RNASEH2B: variants seen among roughly 807,000 people sequenced by gnomAD.
RNASEH2B encodes the protein ribonuclease H2 subunit B.
In RNASEH2B, 36 loss-of-function variants were observed where a neutral mutation model predicts 45.0. The observed-to-expected ratio is 0.80, with a 90% CI of 0.61 to 1.06. The LOEUF (loss-of-function observed/expected upper bound fraction) is 1.06. RNASEH2B is among the 50% of genes least tolerant of loss of function. The pLI is 0.00. For missense variants in RNASEH2B, 361 were observed against 360.3 expected (o/e 1.00, Z -0.02); for synonymous variants, 119 against 125.7 (o/e 0.95, Z 0.35).
downstream of RNASEH2B, among the ~76,000 whole-genome samples, chr13:50,958,044 G>C (rs1213436762): frequency 6.6e-6 from 1 of 152,050 alleles, no homozygotes; most frequent in East Asian, 1.9e-4. Flanking sequence ...TAGGTTGTCT[G>C]TTTACTCTGT....
At chr13:50,929,299 A>G (rs1301400793) in intron 2 of RNASEH2B, among the ~76,000 whole-genome samples, 176 bp from the exon 3 acceptor site, 2 of 152,214 alleles carry the variant, frequency 1.3e-5, no homozygotes, top group East Asian at 1.9e-4. Flanking sequence ...GAAAACTACC[A>G]TCTATGTATA....
chr13:50,937,315 G>C (rs1309609343), intron 5 of RNASEH2B: 1 of 151,966 alleles, frequency 6.6e-6, no homozygotes, highest in Non-Finnish European at 1.5e-5. Flanking sequence ...TCAATCTCTG[G>C]GGCTCAAGCA....
intron 1 of RNASEH2B, chr13:50,915,176 G>T: frequency 2.8e-6 from 1 of 359,668 alleles, no homozygotes; most frequent in Non-Finnish European, 5.0e-6. Flanking sequence ...TTTACTGAAC[G>T]AATAAAAGTC....
intron 6 of RNASEH2B, 32 bp downstream of exon 6, chr13:50,943,426 A>G: frequency 7.4e-6 from 11 of 1,480,858 alleles, no homozygotes; most frequent in Non-Finnish European, 1.0e-5. Flanking sequence ...TTGTGGTAAA[A>G]GTAAAAATTC....
intron 9 of RNASEH2B, chr13:50,950,860 TG>T (rs1337390257): frequency 6.6e-6 from 1 of 152,262 alleles, no homozygotes; most frequent in Non-Finnish European, 1.5e-5. Flanking sequence ...TTAAGTTGTT[TG>T]TGACTTCATC....
At chr13:50,910,162 G>A (rs1402783053) in intron 1 of RNASEH2B, 22 bp downstream of exon 1, 7 of 1,422,820 alleles carry the variant, frequency 4.9e-6, no homozygotes, top group Non-Finnish European at 6.4e-6. Flanking sequence ...CGCCCGGGCG[G>A]CGGGGTCGGC....
intron 1 of RNASEH2B, among the ~76,000 whole-genome samples, chr13:50,920,942 T>C (rs529814248): frequency 6.6e-6 from 1 of 152,322 alleles, no homozygotes; most frequent in East Asian, 1.9e-4. Context: ...TGGTTTTAAT[T>C]TAATATTTTC....
chr13:50,943,374 T>C lies in RNASEH2B; in HGVS notation c.490T>C (p.Leu164=). The C allele has an allele frequency of 6.2e-7, 1 of 1,606,450 alleles. No homozygotes were observed. The highest frequency in any genetic ancestry group is 8.5e-7 in the Non-Finnish European group (1 of 1,173,210). Residue 164 remains leucine, a synonymous_variant, in exon 6 of 11, where the codon TTA becomes CTA. Coordinates refer to ENST00000336617, the MANE Select transcript of RNASEH2B (RefSeq NM_024570.4). ...KYYKYSKEKT[L]KWLEKKVNQT... ...TTACAAGTACAGCAAAGAGAAGACA[T>C]TAAAGTGGCTGGAAAAAAAGGTATA...
intron 9 of RNASEH2B, 56 bp downstream of exon 9, chr13:50,949,561 AC>A: frequency 6.8e-7 from 1 of 1,463,800 alleles, no homozygotes; most frequent in Non-Finnish European, 9.6e-7. Context: ...TTACACTCTT[AC>A]CACATGAGTT....
At chr13:50,946,073 C>T (rs1320940529) in intron 7 of RNASEH2B, among the ~76,000 whole-genome samples, 1 of 152,132 alleles carries the variant, frequency 6.6e-6, no homozygotes, top group Non-Finnish European at 1.5e-5. Context: ...TTTCCTGATA[C>T]AGGGATCAAT....
chr13:50,967,267 GA>G (rs748053682), intron 9 of RNASEH2B, among the ~76,000 whole-genome samples: 55 of 152,170 alleles, frequency 3.6e-4, no homozygotes, highest in Non-Finnish European at 6.8e-4. Flanking sequence ...AAGTCTGGAA[GA>G]AAATACAACA....
chr13:50,956,467 AG>A lies in RNASEH2B; in HGVS notation c.934del (p.Val312PhefsTer23). 1 of 1,595,112 alleles carries A rather than the reference AG, an allele frequency of 6.3e-7. No individual in the cohort carries two copies. Among genetic ancestry groups the A allele is most frequent in the Non-Finnish European group, 8.6e-7 (1 of 1,168,146 alleles). On this transcript the variant is annotated frameshift_variant, in exon 11 of 11. Coordinates refer to ENST00000336617, the MANE Select transcript of RNASEH2B (RefSeq NM_024570.4). LOFTEE classifies it high-confidence loss of function. ...GTAAAAAATAAAAAAAAAATTGGAA[AG>A]GTTTGAAACTTTGAAAATAAAATCT... ...FGVKNKKKIG[K>X]V is the part of the protein sequence containing the mutation.
chr13:50,961,129 C>T (rs1952107661), downstream of RNASEH2B, among the ~76,000 whole-genome samples: 2 of 152,136 alleles, frequency 1.3e-5, no homozygotes, highest in African/African-American at 4.8e-5. Flanking sequence ...GTGTTGTTGA[C>T]TTTGATCACT....
At chr13:50,926,892 A>G (rs941861632) in intron 1 of RNASEH2B, among the ~76,000 whole-genome samples, 4 of 152,154 alleles carry the variant, frequency 2.6e-5, no homozygotes, top group African/African-American at 9.7e-5. Context: ...TGTGTAAAAA[A>G]TATAGGTTTC....
rs999786070 is a variant in RNASEH2B at position 50,953,752 on chromosome 13, G to A, written c.742-153G>A. ...CAATTCCCTAGATGATTGGCAAAAT[G>A]TAAAGGAGCCTGTAAAAAGTAAGCC... On this transcript the variant is annotated intron_variant, in intron 9 of 10. Coordinates refer to ENST00000336617, the MANE Select transcript of RNASEH2B (RefSeq NM_024570.4). 7 of 640,432 alleles carry A rather than the reference G, an allele frequency of 1.1e-5. No homozygotes were observed. In the East Asian group the frequency reaches 1.6e-4, roughly 15 times the overall value. The allele number at this position is 640,432 out of a possible 1,614,324, so 39.7% of individuals were successfully genotyped here.
intron 4 of RNASEH2B, among the ~76,000 whole-genome samples, chr13:50,933,660 A>G (rs1239867656): frequency 6.6e-6 from 1 of 152,178 alleles, no homozygotes; most frequent in Admixed American, 6.5e-5. Context: ...ATTTCCTTCA[A>G]TGTATATATG....
intron 9 of RNASEH2B, among the ~76,000 whole-genome samples, chr13:50,969,427 A>G (rs1952197622): frequency 6.6e-6 from 1 of 151,674 alleles, no homozygotes; most frequent in Admixed American, 6.6e-5. Flanking sequence ...ATTAGGTGCT[A>G]CTACTTCTAT....
chr13:50,925,235 GTC>G (rs1361759786), intron 1 of RNASEH2B, among the ~76,000 whole-genome samples: 6 of 150,460 alleles, frequency 4.0e-5, no homozygotes, highest in African/African-American at 1.5e-4. Context: ...AATCTTCTAT[GTC>G]TCTAATTAAC....
chr13:50,953,600 C>T (rs941318180), intron 9 of RNASEH2B: 6 of 428,840 alleles, frequency 1.4e-5, no homozygotes, highest in African/African-American at 7.9e-5. Flanking sequence ...TTAGCAATCC[C>T]CTCATGCCCA....
Sources: allele counts gnomAD v4.1 joint callset (sites outside exome capture counted in the v4.1 genomes callset), GRCh38; gene constraint gnomAD v4.1.1; transcripts MANE v1.5; gene names NCBI Gene and HGNC (gene_info 2026-07-23, HGNC 2026-07-21).